Variants in PDGFC observed in about 807,000 individuals in gnomAD.
PDGFC encodes the protein platelet-derived growth factor C.
Under a neutral mutation model 35.5 loss-of-function variants are expected in PDGFC, and 12 were observed. That is an observed-to-expected ratio of 0.34 (90% CI 0.22 to 0.55). The LOEUF (loss-of-function observed/expected upper bound fraction) is 0.55, where lower values mean the gene tolerates loss of function less well. Ranked by LOEUF, PDGFC falls within the 20% of genes least tolerant of loss-of-function variation. The pLI, the probability that PDGFC is intolerant of heterozygous loss-of-function variation, is 0.91. For synonymous variants in PDGFC, 159 were observed against 148.8 expected, an observed-to-expected ratio of 1.07 and a Z score of -0.50; for missense variants, 322 against 412.4, an observed-to-expected ratio of 0.78 and a Z score of 1.90.
At chr4:156,802,754 C>T (rs1488859058) in intron 3 of PDGFC, among the ~76,000 whole-genome samples, 2 of 152,094 alleles carry the variant, frequency 1.3e-5, no homozygotes. Flanking sequence ...AGCCAGCACG[C>T]AGTACAGTGA....
intron 1 of PDGFC, among the ~76,000 whole-genome samples, chr4:156,869,513 GATT>G (rs1039242102): frequency 1.3e-5 from 2 of 151,972 alleles, no homozygotes; most frequent in East Asian, 3.8e-4. Context: ...CTTCAATATG[GATT>G]ATTTAGCTTT....
intron 1 of PDGFC, chr4:156,967,605 A>T (rs1327014897): frequency 6.6e-6 from 1 of 152,230 alleles, no homozygotes; most frequent in African/African-American, 2.4e-5. Flanking sequence ...TCCTCCACCA[A>T]CAACTTTGTC....
intron 1 of PDGFC, among the ~76,000 whole-genome samples, chr4:156,867,723 C>T (rs969248758): frequency 1.3e-5 from 2 of 152,048 alleles, no homozygotes; most frequent in African/African-American, 2.4e-5. Context: ...ACTTGTGATA[C>T]CACTAGGTTT....
intron 1 of PDGFC, among the ~76,000 whole-genome samples, chr4:156,913,144 C>T (rs987482714): frequency 1.3e-5 from 2 of 152,108 alleles, no homozygotes; most frequent in Non-Finnish European, 2.9e-5. Context: ...ATACCCTTCG[C>T]ATCAACTATC....
intron 2 of PDGFC, among the ~76,000 whole-genome samples, chr4:156,813,174 A>G (rs112548882): frequency 7.2e-5 from 11 of 152,080 alleles, no homozygotes; most frequent in African/African-American, 2.7e-4. Context: ...TCGAATGGTA[A>G]TTTTTACATC....
At chr4:156,935,753 C>T (rs971863158) in intron 1 of PDGFC, among the ~76,000 whole-genome samples, 1 of 152,180 alleles carries the variant, frequency 6.6e-6, no homozygotes, top group African/African-American at 2.4e-5. Context: ...AGAGCCATAG[C>T]AGCAACAGTT....
At chr4:156,896,733 G>A (rs909509217) in intron 1 of PDGFC, among the ~76,000 whole-genome samples, 6 of 152,138 alleles carry the variant, frequency 3.9e-5, no homozygotes, top group African/African-American at 1.2e-4. Flanking sequence ...AGTTACTATG[G>A]CAACTAAAGG....
chr4:156,808,616 T>C (rs561676775), intron 3 of PDGFC, among the ~76,000 whole-genome samples: 1 of 151,986 alleles, frequency 6.6e-6, no homozygotes, highest in African/African-American at 2.4e-5. Context: ...ACAGATAAGA[T>C]TGATGGATTG....
At chr4:156,787,215 C>G (rs1413679747) in intron 3 of PDGFC, among the ~76,000 whole-genome samples, 1 of 151,888 alleles carries the variant, frequency 6.6e-6, no homozygotes, top group Non-Finnish European at 1.5e-5. Context: ...GAAGGAGGAA[C>G]CAGTGAAGAG....
intron 1 of PDGFC, among the ~76,000 whole-genome samples, chr4:156,929,436 T>C (rs1731496584): frequency 6.7e-6 from 1 of 149,596 alleles, no homozygotes; most frequent in Non-Finnish European, 1.5e-5. Flanking sequence ...ACCATTTTCA[T>C]AGTTCATAAA....
intron 2 of PDGFC, among the ~76,000 whole-genome samples, chr4:156,811,557 G>C (rs2110946429): frequency 6.6e-6 from 1 of 152,118 alleles, no homozygotes; most frequent in Admixed American, 6.6e-5. Flanking sequence ...TCAGCTCACT[G>C]TCATCTTTCT....
At chr4:156,892,156 G>A (rs1730530218) in intron 1 of PDGFC, among the ~76,000 whole-genome samples, 1 of 152,040 alleles carries the variant, frequency 6.6e-6, no homozygotes, top group Admixed American at 6.5e-5. Flanking sequence ...TATAAAATGA[G>A]GGAAAATAAC....
intron 1 of PDGFC, among the ~76,000 whole-genome samples, chr4:156,909,410 C>T (rs1042914153): frequency 5.3e-5 from 8 of 152,142 alleles, no homozygotes; most frequent in Middle Eastern, 3.4e-3. Flanking sequence ...ATATTATGGC[C>T]AGAAAATAAA....
rs149243540 is a variant in PDGFC at position 156,863,687 on chromosome 4, A to T, written c.119-13271T>A. Among the ~76,000 whole-genome samples the T allele has an allele frequency of 2.2e-3, 330 of 152,244 alleles. 1 individual carries two copies. The highest frequency in any genetic ancestry group is 7.7e-3 in the African/African-American group (318 of 41,566). ...ATTCTGGCTTCACTCCACTGCTTGA[A>T]TCAGTAGGGTTAACATTAATTCTAC... On this transcript the variant is annotated intron_variant, in intron 1 of 5. Transcript: ENST00000502773.
chr4:156,962,563 C>T (rs1053443568), intron 1 of PDGFC, among the ~76,000 whole-genome samples: 1 of 152,154 alleles, frequency 6.6e-6, no homozygotes, highest in Non-Finnish European at 1.5e-5. Flanking sequence ...TCTGCATATG[C>T]GGCACCTAGG....
chr4:156,774,995 A>G (rs1236994620), intron 3 of PDGFC, among the ~76,000 whole-genome samples: 1 of 152,162 alleles, frequency 6.6e-6, no homozygotes, highest in Non-Finnish European at 1.5e-5. Context: ...TGGCTAAAAT[A>G]TTAGGACTAA....
chr4:156,928,428 C>T (rs1049869920), intron 1 of PDGFC, among the ~76,000 whole-genome samples: 8 of 151,984 alleles, frequency 5.3e-5, no homozygotes, highest in Admixed American at 3.9e-4. Flanking sequence ...GATCTGTAAC[C>T]GTGGGATTAC....
intron 3 of PDGFC, among the ~76,000 whole-genome samples, chr4:156,793,821 T>C (rs1731364500): frequency 8.0e-6 from 1 of 124,800 alleles, no homozygotes; most frequent in African/African-American, 3.9e-5. Context: ...ATTCACATTT[T>C]TGGATTAAAA....
At chr4:156,867,169 C>G (rs983842703) in intron 1 of PDGFC, among the ~76,000 whole-genome samples, 10 of 152,004 alleles carry the variant, frequency 6.6e-5, no homozygotes, top group Admixed American at 2.6e-4. Flanking sequence ...GAATATTAAG[C>G]TGAAATTTTT....
Sources: gnomAD v4.1 joint callset for allele counts (sites outside exome capture counted in the v4.1 genomes callset) on GRCh38, gnomAD v4.1.1 for gene constraint, MANE v1.5 for transcripts, NCBI Gene and HGNC (gene_info 2026-07-23, HGNC 2026-07-21) for gene names.